The following LIMS2 variants were observed in gnomAD, a reference collection of about 807,000 sequenced individuals.
LIMS2 encodes LIM zinc finger domain containing 2.
LIMS2 carries 30 observed loss-of-function variants against 45.3 expected under a neutral mutation model. The ratio of observed to expected loss-of-function variants is 0.66; its 90% CI spans 0.50 to 0.90. LIMS2 has a LOEUF of 0.90. Among genes scored for constraint, LIMS2 ranks in the 40% least tolerant of loss-of-function variants. LIMS2 has a pLI of 0.00. For synonymous variants in LIMS2, 173 were observed against 188.0 expected, an observed-to-expected ratio of 0.92 and a Z score of 0.65; for missense variants, 485 against 468.7, an observed-to-expected ratio of 1.03 and a Z score of -0.32.
At chr2:127,649,157 G>GAGGAAGGA (rs1469679192) in intron 4 of LIMS2, among the ~76,000 whole-genome samples, 2 of 73,862 alleles carry the variant, frequency 2.7e-5, no homozygotes, top group East Asian at 2.8e-4. Context: ...GTGAGAGAGA[G>GAGGAAGGA]AGGAAGGTAG....
intron 1 of LIMS2, among the ~76,000 whole-genome samples, chr2:127,666,414 G>C (rs571982499): frequency 7.2e-6 from 1 of 138,392 alleles, no homozygotes; most frequent in South Asian, 2.1e-4. Flanking sequence ...AGTGAGGTTT[G>C]TGTTGTTTTA....
chr2:127,657,134 G>A (rs907949213), intron 2 of LIMS2, among the ~76,000 whole-genome samples: 17 of 152,346 alleles, frequency 1.1e-4, no homozygotes, highest in Admixed American at 2.6e-4. Flanking sequence ...CACCACCAGG[G>A]CAGGCTCTTC....
rs116043563 is a variant in LIMS2, at chr2:127,642,535, C to G, written c.510-336G>C. ...GACTGGAGGGGACGGTGGGGGTGGG[C>G]GAGGACGGGGGCTGAGGGGCTGCCT... On this transcript the variant is annotated intron_variant, in intron 5 of 9. Transcript: ENST00000355119. This position sits in a 1 kb window ranked among gnomAD's most constrained non-coding sequence, Gnocchi z 5.3. 3.2e-6 allele frequency: 1 copy of G among 313,974 alleles called. No homozygotes were observed. Among genetic ancestry groups the G allele is most frequent in the Non-Finnish European group, 5.9e-6 (1 of 169,030 alleles). 19.4% of individuals were successfully genotyped at this position (313,974 alleles called of 1,614,324 possible). A position where few individuals can be genotyped will look rare whatever the true frequency, so the allele number is the denominator to read the frequency against.
intron 4 of LIMS2, chr2:127,648,333 G>GT: frequency 2.8e-6 from 1 of 357,066 alleles, no homozygotes; most frequent in Non-Finnish European, 3.9e-6. Flanking sequence ...ATATTATTAG[G>GT]TAGTTGCCCT....
rs771996062 is a variant in LIMS2, at chr2:127,640,945, C to T, written c.704G>A (p.Arg235Gln). The T allele has an allele frequency of 3.0e-5, 49 of 1,613,846 alleles. No homozygotes were observed. The highest frequency in any genetic ancestry group is 5.0e-5 in the Admixed American group (3 of 60,002). Residue 235 changes from arginine to glutamine, a missense_variant, in exon 7 of 10, where the codon CGG (arginine) becomes CAG (glutamine). Coordinates refer to ENST00000355119, the MANE Select transcript of LIMS2 (RefSeq NM_001161403.3). ...AKCEKPFLGH[R>Q]HYEKKGLAYC... ...GGCCAGGCCCTTCTTCTCATAGTGC[C>T]GGTGCCCCAGGAATGGCTTCTCACA... is the stretch of plus-strand genomic sequence containing the variant.
chr2:127,650,596 G>A lies in LIMS2; in HGVS notation c.359+3828C>T, dbSNP rs3732201. Reference sequence around the variant, plus strand: ...AGGTCCCCTCAGCAGCCCCGTGGGCGGTGCTGAGCTTGAAAGTGGGAGGTT... The same window carrying A: ...AGGTCCCCTCAGCAGCCCCGTGGGCAGTGCTGAGCTTGAAAGTGGGAGGTT... On this transcript the variant is annotated intron_variant, in intron 4 of 9. Transcript: ENST00000355119. The A allele has an allele frequency of 3.2e-3, 2,246 of 693,196 alleles. 38 individuals carry two copies. The East Asian group carries it at 0.046, about 14-fold the overall frequency. The allele number at this position is 693,196 out of a possible 1,614,324, so 42.9% of individuals were successfully genotyped here. A position where few individuals can be genotyped will look rare whatever the true frequency, so the allele number is the denominator to read the frequency against.
At chr2:127,655,015 C>T (rs1256609915) in intron 2 of LIMS2, 119 bp from the exon 3 acceptor site, 23 of 926,270 alleles carry the variant, frequency 2.5e-5, no homozygotes, top group Admixed American at 6.0e-5. Context: ...AGGGGCATGC[C>T]GGGCTGAGGC....
At chr2:127,676,630 A>C (rs1031942683), upstream of LIMS2, among the ~76,000 whole-genome samples, 12 of 152,240 alleles carry the variant, frequency 7.9e-5, no homozygotes, top group African/African-American at 2.9e-4. Context: ...GGCTGGTTGC[A>C]AACTCCTGGC....
intron 1 of LIMS2, among the ~76,000 whole-genome samples, chr2:127,680,730 A>C (rs1685595356): frequency 6.6e-6 from 1 of 152,188 alleles, no homozygotes; most frequent in Admixed American, 6.5e-5. Context: ...CGAGCTTCAC[A>C]ATTTTCCAAA....
In LIMS2 at chr2:127,639,197, G is replaced by T; in HGVS notation, c.*84C>A. The T allele has an allele frequency of 6.9e-7, 1 of 1,451,140 alleles. No homozygotes were observed. The highest frequency in any genetic ancestry group is 9.5e-7 in the Non-Finnish European group (1 of 1,053,024). 89.9% of individuals were successfully genotyped at this position (1,451,140 alleles called of 1,614,324 possible). ...GGGAGGGTAAGATGCGGAGGGCACA[G>T]GTGGATGGGGACGAGGGGGCCAAGC... On this transcript the variant is annotated 3_prime_UTR_variant, in exon 10 of 10. Coordinates refer to ENST00000355119, the MANE Select transcript of LIMS2 (RefSeq NM_001161403.3).
At chr2:127,640,008 GAGGAAGGACCTGCA>G in intron 9 of LIMS2, 48 bp downstream of exon 9, 1 of 1,535,442 alleles carries the variant, frequency 6.5e-7, no homozygotes, top group East Asian at 2.3e-5. Context: ...GGGCTGCTGA[GAGGAAGGACCTGCA>G]GGAGCCCCCT....
intron 1 of LIMS2, among the ~76,000 whole-genome samples, chr2:127,660,237 A>G (rs1038012615): frequency 9.2e-5 from 14 of 152,224 alleles, no homozygotes; most frequent in African/African-American, 3.4e-4. Context: ...GCACTCTGTA[A>G]AATGGACCAA....
At chr2:127,645,341 G>A (rs1327265794) in intron 4 of LIMS2, among the ~76,000 whole-genome samples, 1 of 152,182 alleles carries the variant, frequency 6.6e-6, no homozygotes, top group Admixed American at 6.5e-5. Flanking sequence ...AACCAGGAAG[G>A]GTGATTTGGT....
chr2:127,674,942 G>T (rs1030063964), intron 1 of LIMS2, 72 bp downstream of exon 1: 4 of 1,224,750 alleles, frequency 3.3e-6, no homozygotes, highest in Non-Finnish European at 4.1e-6. Context: ...CTGTACGAGG[G>T]CGAGCTGCGC....
Position 127,653,335 on chromosome 2 carries a change from G to A in LIMS2, c.359+1089C>T, listed in dbSNP as rs762352196. 4.6e-5 allele frequency among the ~76,000 whole-genome samples: 7 copies of A among 152,230 alleles called. No homozygotes were observed. Among genetic ancestry groups the A allele is most frequent in the Non-Finnish European group, 1.0e-4 (7 of 68,042 alleles). Reference sequence around the variant, plus strand: ...CACTGATACAGGGGACGCATGCAGAGGCAGCCTTGGTGGTCAGTGGAGGAG... The same window carrying A: ...CACTGATACAGGGGACGCATGCAGAAGCAGCCTTGGTGGTCAGTGGAGGAG... On this transcript the variant is annotated intron_variant, in intron 4 of 9. Transcript: ENST00000355119. This position sits in a 1 kb window ranked among gnomAD's most constrained non-coding sequence, Gnocchi z 5.3.
intron 1 of LIMS2, among the ~76,000 whole-genome samples, chr2:127,659,306 C>T (rs1684465041): frequency 6.6e-6 from 1 of 152,178 alleles, no homozygotes; most frequent in Non-Finnish European, 1.5e-5. Flanking sequence ...CCATGCGAGC[C>T]CACATTTAGG....
chr2:127,666,550 TA>T (rs1463440953), intron 1 of LIMS2, among the ~76,000 whole-genome samples: 1 of 152,106 alleles, frequency 6.6e-6, no homozygotes, highest in East Asian at 1.9e-4. Flanking sequence ...ATAAATGAAA[TA>T]ACCTACTGAA....
In LIMS2 at chr2:127,639,094, C is replaced by A; in HGVS notation, c.*187G>T. On this transcript the variant is annotated 3_prime_UTR_variant, in exon 10 of 10. Coordinates refer to ENST00000355119, the MANE Select transcript of LIMS2 (RefSeq NM_001161403.3). Reference sequence around the variant, plus strand: ...CTCCTGCCTCCTCACAGACAGAAGCCACGGCCAAGGAGAGGAGAGACATGG... The same window carrying A: ...CTCCTGCCTCCTCACAGACAGAAGCAACGGCCAAGGAGAGGAGAGACATGG... 1.5e-6 allele frequency: 1 copy of A among 645,798 alleles called. No homozygotes were observed. Among genetic ancestry groups the A allele is most frequent in the Non-Finnish European group, 2.6e-6 (1 of 386,348 alleles). The allele number at this position is 645,798 out of a possible 1,614,324, so 40.0% of individuals were successfully genotyped here.
chr2:127,647,595 C>T lies in LIMS2; in HGVS notation c.360-4523G>A, dbSNP rs1348133448. Among the ~76,000 whole-genome samples, 2 of 152,086 alleles carry T rather than the reference C, an allele frequency of 1.3e-5. No individual in the cohort carries two copies. The highest frequency in any genetic ancestry group is 6.5e-5 in the Admixed American group (1 of 15,280). On this transcript the variant is annotated intron_variant, in intron 4 of 9. Coordinates refer to ENST00000355119, the MANE Select transcript of LIMS2 (RefSeq NM_001161403.3). The surrounding 1 kb of genome is among the most constrained non-coding windows in gnomAD (Gnocchi z 4.3). The stretch of plus-strand genomic sequence containing the variant: ...GAGGGACAGCCTGGGGTGGAGGGCA[C>T]CCACCTTGGCCCCTTCCCACCCCCA...
Sources: gnomAD v4.1 joint callset for allele counts (sites outside exome capture counted in the v4.1 genomes callset) on GRCh38, gnomAD v4.1.1 for gene constraint, Gnocchi (gnomAD v3.1) non-coding constraint, MANE v1.5 for transcripts, NCBI Gene and HGNC (gene_info 2026-07-23, HGNC 2026-07-21) for gene names.